SLC25A26: variants seen among roughly 807,000 people sequenced by gnomAD.
SLC25A26 encodes mitochondrial S-adenosylmethionine carrier protein.
SLC25A26 carries 36 observed loss-of-function variants against 37.8 expected under a neutral mutation model. The observed-to-expected ratio is 0.95, with a 90% CI of 0.73 to 1.26. The LOEUF is 1.26. Among genes scored for constraint, SLC25A26 ranks in the 50% most tolerant of loss-of-function variants. SLC25A26 has a pLI of 0.00. For synonymous variants in SLC25A26, 129 were observed against 122.5 expected (o/e 1.05, Z -0.35); for missense variants, 390 against 331.1 (o/e 1.18, Z -1.38).
At chr3:66,171,378 C>T (rs1475093637) in intron 1 of SLC25A26, among the ~76,000 whole-genome samples, 1 of 152,200 alleles carries the variant, frequency 6.6e-6, no homozygotes, top group Non-Finnish European at 1.5e-5. Context: ...GGTTCTCCAG[C>T]CATCCCTAGC....
At chr3:66,334,476 G>C (rs2076049680) in intron 5 of SLC25A26, among the ~76,000 whole-genome samples, 1 of 152,048 alleles carries the variant, frequency 6.6e-6, no homozygotes, top group African/African-American at 2.4e-5. Context: ...CACCATGCCT[G>C]GCTAATTTTT....
At chr3:66,275,095 T>C (rs2074092336) in intron 5 of SLC25A26, among the ~76,000 whole-genome samples, 1 of 152,070 alleles carries the variant, frequency 6.6e-6, no homozygotes, top group Non-Finnish European at 1.5e-5. Context: ...GTTAATGTCC[T>C]TTGTAGGGAC....
chr3:66,276,378 T>C (rs1297541928), intron 5 of SLC25A26, among the ~76,000 whole-genome samples: 5 of 152,082 alleles, frequency 3.3e-5, no homozygotes, highest in Admixed American at 1.3e-4. Context: ...AATTCACTGA[T>C]AGAATTTTTC....
intron 5 of SLC25A26, among the ~76,000 whole-genome samples, chr3:66,317,012 A>G (rs773289334): frequency 3.9e-5 from 6 of 152,134 alleles, no homozygotes; most frequent in Non-Finnish European, 7.3e-5. Context: ...GTAATGTTTT[A>G]TCATGGTTCT....
intron 1 of SLC25A26, among the ~76,000 whole-genome samples, chr3:66,183,159 C>G (rs1403378672): frequency 6.6e-6 from 1 of 152,012 alleles, no homozygotes; most frequent in African/African-American, 2.4e-5. Context: ...TGACCCTCAG[C>G]CTGAAGCTGA....
At chr3:66,261,917 A>G (rs939795720) in intron 3 of SLC25A26, 134 bp from the exon 4 acceptor site, 17 of 626,566 alleles carry the variant, frequency 2.7e-5, no homozygotes, top group Middle Eastern at 4.3e-4. Context: ...GTTAAAAAAA[A>G]AAAAAGAAAC....
chr3:66,204,452 A>G (rs1190155845), intron 1 of SLC25A26, among the ~76,000 whole-genome samples: 3 of 150,746 alleles, frequency 2.0e-5, no homozygotes, highest in Non-Finnish European at 4.4e-5. Flanking sequence ...AAAAAAGAAA[A>G]AAGAAAGAAA....
At chr3:66,299,845 C>T (rs1379983453) in intron 5 of SLC25A26, among the ~76,000 whole-genome samples, 1 of 152,062 alleles carries the variant, frequency 6.6e-6, no homozygotes, top group Non-Finnish European at 1.5e-5. Context: ...TATTTATTTG[C>T]TTCAGTTTTT....
chr3:66,187,783 T>C (rs1469994390), intron 1 of SLC25A26, among the ~76,000 whole-genome samples: 1 of 151,470 alleles, frequency 6.6e-6, no homozygotes, highest in Non-Finnish European at 1.5e-5. Flanking sequence ...CTCATCCTGA[T>C]CATGGCCCTT....
chr3:66,165,241 C>A (rs897659216), intron 1 of SLC25A26, among the ~76,000 whole-genome samples: 1 of 152,198 alleles, frequency 6.6e-6, no homozygotes, highest in African/African-American at 2.4e-5. Context: ...GAAGTAGATT[C>A]TCTAGCCCTA....
intron 5 of SLC25A26, among the ~76,000 whole-genome samples, chr3:66,281,651 T>C (rs944981408): frequency 4.6e-5 from 7 of 152,128 alleles, no homozygotes; most frequent in Admixed American, 4.6e-4. Context: ...GATTTTACTA[T>C]ATTCATAAGT....
chr3:66,236,403 TTG>T (rs2072287030), intron 1 of SLC25A26, 139 bp from the exon 2 acceptor site: 1 of 507,316 alleles, frequency 2.0e-6, no homozygotes, highest in African/African-American at 2.0e-5. Flanking sequence ...TGACGGTCCT[TTG>T]TGCCGCAGAA....
At chr3:66,344,056 T>C (rs537110399) in intron 5 of SLC25A26, among the ~76,000 whole-genome samples, 10 of 152,184 alleles carry the variant, frequency 6.6e-5, no homozygotes, top group Non-Finnish European at 1.3e-4. Flanking sequence ...CTATTGACAT[T>C]GATCTTTTCT....
intron 5 of SLC25A26, among the ~76,000 whole-genome samples, chr3:66,345,464 C>CGTCTTCT (rs1217914204): frequency 6.6e-6 from 1 of 151,508 alleles, no homozygotes; most frequent in African/African-American, 2.4e-5. Context: ...TTCTCTGCCC[C>CGTCTTCT]GTCTTCTGTC....
chr3:66,237,118 G>A (rs377407406), intron 2 of SLC25A26, among the ~76,000 whole-genome samples: 24 of 152,160 alleles, frequency 1.6e-4, no homozygotes, highest in African/African-American at 4.8e-4. Context: ...GATTATAGTC[G>A]GCATGAGCCA....
intron 5 of SLC25A26, among the ~76,000 whole-genome samples, chr3:66,299,975 G>A (rs929551593): frequency 3.3e-5 from 5 of 152,128 alleles, no homozygotes; most frequent in African/African-American, 1.2e-4. Flanking sequence ...AGGCTTTTGA[G>A]CCATCTGGAA....
chr3:66,288,251 G>A (rs1272271164), intron 5 of SLC25A26, among the ~76,000 whole-genome samples: 1 of 152,082 alleles, frequency 6.6e-6, no homozygotes, highest in Non-Finnish European at 1.5e-5. Context: ...TTGAATTCTG[G>A]GCAGTCCTTT....
At chr3:66,172,721 G>T (rs1466726199) in intron 1 of SLC25A26, among the ~76,000 whole-genome samples, 1 of 152,188 alleles carries the variant, frequency 6.6e-6, no homozygotes, top group African/African-American at 2.4e-5. Context: ...CTGGTAGTTT[G>T]CTGACAATTT....
intron 4 of SLC25A26, among the ~76,000 whole-genome samples, chr3:66,262,386 A>G (rs1369684683): frequency 6.6e-6 from 1 of 152,238 alleles, no homozygotes; most frequent in Non-Finnish European, 1.5e-5. Flanking sequence ...CTGAATTGTA[A>G]TCTTCCTGCA....
Sources: gnomAD v4.1 joint callset for allele counts (sites outside exome capture counted in the v4.1 genomes callset) on GRCh38, gnomAD v4.1.1 for gene constraint, MANE v1.5 for transcripts, NCBI Gene and HGNC (gene_info 2026-07-23, HGNC 2026-07-21) for gene names.